Variants in SLC9C1 observed in about 807,000 individuals in gnomAD.
SLC9C1 encodes sodium/hydrogen exchanger 10.
In SLC9C1, 97 loss-of-function variants were observed where a neutral mutation model predicts 140.9. The ratio of observed to expected loss-of-function variants is 0.69; its 90% confidence interval spans 0.58 to 0.82. SLC9C1 has a LOEUF of 0.82. Among genes scored for constraint, SLC9C1 ranks in the 40% least tolerant of loss-of-function variants. The probability of loss-of-function intolerance (pLI) is 0.00; values close to 1 mark genes in which losing one functional copy is unlikely to be tolerated. For missense variants in SLC9C1, 1,340 were observed against 1,389.3 expected, an observed-to-expected ratio of 0.96 and a Z score of 0.56; for synonymous variants, 440 against 442.6, an observed-to-expected ratio of 0.99 and a Z score of 0.07.
Position 112,169,308 on chromosome 3 carries a change from A to G in SLC9C1, c.2940T>C (p.Thr980=), listed in dbSNP as rs2077200594. ...TVVETCFIPK[T]HLYDAFEQCS... ...ATTGCTCAAAAGCATCATACAAGTG[A>G]GTTTTGGGAATAAAACATGTCTGGA... is the stretch of plus-strand genomic sequence containing the variant. The change falls in exon 24 of 29, where the codon ACT becomes ACC. Residue 980 remains threonine (T), a synonymous_variant. Coordinates refer to ENST00000305815, the MANE Select transcript of SLC9C1 (RefSeq NM_183061.3). 6.2e-7 allele frequency: 1 copy of G among 1,609,776 alleles called. No individual in the cohort carries two copies. The highest frequency in any genetic ancestry group is 8.5e-7 in the Non-Finnish European group (1 of 1,178,540).
At chr3:112,229,199 A>G (rs376761776) in intron 13 of SLC9C1, among the ~76,000 whole-genome samples, 1 of 152,236 alleles carries the variant, frequency 6.6e-6, no homozygotes, top group African/African-American at 2.4e-5. Flanking sequence ...GCTAGCAGGA[A>G]TAGGTTGGTT....
chr3:112,267,738 G>GTT (rs1158222261), intron 7 of SLC9C1, among the ~76,000 whole-genome samples: 1 of 152,040 alleles, frequency 6.6e-6, no homozygotes, highest in Non-Finnish European at 1.5e-5. Context: ...AAAATTACAA[G>GTT]TTGTCTATTT....
rs937934770 is a variant in SLC9C1, at chr3:112,275,079, T to G, written c.485-54A>C. 1.6e-5 allele frequency: 24 copies of G among 1,491,940 alleles called. 1 individual carries two copies. Among genetic ancestry groups the G allele is most frequent in the Non-Finnish European group, 2.0e-5 (23 of 1,124,060 alleles). 92.4% of individuals were successfully genotyped at this position (1,491,940 alleles called of 1,614,324 possible). On this transcript the variant is annotated intron_variant, in intron 5 of 28. Transcript: ENST00000305815. ...TTTAAAGTGAGAAAAACATTAAAAA[T>G]TAAATGTTAAAGAATACAATTTTCT...
chr3:112,147,638 G>A, intron 28 of SLC9C1: 1 of 249,298 alleles, frequency 4.0e-6, no homozygotes, highest in Non-Finnish European at 8.2e-6. Context: ...TAAGGTTTCT[G>A]GTGAGAAATC....
At chr3:112,145,146 G>A (rs1237900236) in intron 28 of SLC9C1, among the ~76,000 whole-genome samples, 2 of 152,122 alleles carry the variant, frequency 1.3e-5, no homozygotes, top group Non-Finnish European at 1.5e-5. Context: ...TGCCTAGTCT[G>A]TTGAGGCTTT....
chr3:112,221,861 G>T (rs1253417228), intron 13 of SLC9C1, among the ~76,000 whole-genome samples: 1 of 152,112 alleles, frequency 6.6e-6, no homozygotes, highest in Non-Finnish European at 1.5e-5. Context: ...CACTGTTCCT[G>T]GCATCCATAT....
chr3:112,146,482 C>T (rs1050353471), intron 28 of SLC9C1, among the ~76,000 whole-genome samples: 1 of 152,232 alleles, frequency 6.6e-6, no homozygotes, highest in East Asian at 1.9e-4. Flanking sequence ...ACTGGTTTTG[C>T]TGTATCCCAG....
intron 12 of SLC9C1, among the ~76,000 whole-genome samples, chr3:112,239,489 T>G (rs2079082885): frequency 6.6e-6 from 1 of 152,180 alleles, no homozygotes. Flanking sequence ...CAAGCCCCAG[T>G]GAGATGAACC....
At position 112,278,741 on chromosome 3, in the gene SLC9C1, C is replaced by A; in HGVS notation, c.306G>T (p.Lys102Asn). The change falls in exon 4 of 29, where the codon AAG (lysine) becomes AAT (asparagine). Residue 102 changes from lysine to asparagine, a missense_variant. Coordinates refer to ENST00000305815, the MANE Select transcript of SLC9C1 (RefSeq NM_183061.3). ...AFDMDTYMLQ[K>N]LFWQILLISI... ...AAAGAATGCTTACCTGCCAAAATAACTTTTGAAGCATGTACGTATCCATGT... is the reference window on the plus strand; with the variant it reads ...AAAGAATGCTTACCTGCCAAAATAAATTTTGAAGCATGTACGTATCCATGT... 6.3e-7 allele frequency: 1 copy of A among 1,599,940 alleles called. No homozygotes were observed. Among genetic ancestry groups the A allele is most frequent in the South Asian group, 1.1e-5 (1 of 88,194 alleles).
intron 8 of SLC9C1, among the ~76,000 whole-genome samples, chr3:112,265,912 A>C (rs1385277166): frequency 1.3e-5 from 2 of 152,132 alleles, no homozygotes; most frequent in East Asian, 1.9e-4. Context: ...TTAAAATATT[A>C]CTTCTCAATT....
chr3:112,150,960 CCT>C lies in SLC9C1; in HGVS notation c.3524+895_3524+896del, dbSNP rs2074961598. ...TCAAGCGATTCTCCTGCCTCAGCCCCCTGAGTAGCTGGGATTACAGGCATCTG... is the reference window on the plus strand; with the variant it reads ...TCAAGCGATTCTCCTGCCTCAGCCCCGAGTAGCTGGGATTACAGGCATCTG... On this transcript the variant is annotated intron_variant, in intron 28 of 28. Transcript: ENST00000305815. 3.3e-5 allele frequency among the ~76,000 whole-genome samples: 5 copies of C among 151,124 alleles called. No homozygotes were observed. In the South Asian group the frequency reaches 6.3e-4, roughly 19 times the overall value.
At chr3:112,163,250 G>GT (rs1490774242) in intron 26 of SLC9C1, among the ~76,000 whole-genome samples, 4 of 146,876 alleles carry the variant, frequency 2.7e-5, no homozygotes, top group Admixed American at 2.0e-4. Flanking sequence ...TTTTTGAAGG[G>GT]TTTTTTGTGT....
chr3:112,242,004 A>T (rs959575182), intron 11 of SLC9C1, among the ~76,000 whole-genome samples: 11 of 152,172 alleles, frequency 7.2e-5, no homozygotes, highest in Non-Finnish European at 1.3e-4. Flanking sequence ...CCTAGAAGAA[A>T]ACCCAGGAAA....
In SLC9C1 at chr3:112,187,408, C is replaced by A. The variant is rs78872287; in HGVS notation, c.2524-5150G>T. Among the ~76,000 whole-genome samples the A allele has an allele frequency of 2.6e-4, 39 of 152,260 alleles. 1 individual carries two copies. The East Asian group carries it at 7.3e-3, about 29-fold the overall frequency. On this transcript the variant is annotated intron_variant, in intron 20 of 28. Coordinates refer to ENST00000305815, the MANE Select transcript of SLC9C1 (RefSeq NM_183061.3). ...CACCATGGTCAAATGAAATTACAGA[C>A]TGGACCATTAAACTGTATAATCAGC...
intron 16 of SLC9C1, among the ~76,000 whole-genome samples, chr3:112,207,628 CTA>C (rs2078091000): frequency 6.6e-6 from 1 of 152,108 alleles, no homozygotes; most frequent in South Asian, 2.1e-4. Flanking sequence ...GGTGTTGTTT[CTA>C]TGTTTTCCCT....
Position 112,146,976 on chromosome 3 carries a change from C to T in SLC9C1, c.3524+4881G>A, listed in dbSNP as rs541732272. Among the ~76,000 whole-genome samples, 250 of 152,328 alleles carry T rather than the reference C, an allele frequency of 1.6e-3. 1 individual carries two copies. The Middle Eastern group carries it at 0.054, about 33-fold the overall frequency. On this transcript the variant is annotated intron_variant, in intron 28 of 28. Coordinates refer to ENST00000305815, the MANE Select transcript of SLC9C1 (RefSeq NM_183061.3). ...AGTATGTGTTTTATGAACCTAGGTG[C>T]TCCAATATTGGGTGCATATAAATTT...
chr3:112,250,280 T>A (rs528062674), intron 10 of SLC9C1, among the ~76,000 whole-genome samples: 2 of 152,040 alleles, frequency 1.3e-5, no homozygotes, highest in African/African-American at 4.8e-5. Flanking sequence ...CCATGGTGTA[T>A]ATGTGCCACA....
intron 15 of SLC9C1, among the ~76,000 whole-genome samples, chr3:112,213,799 C>T (rs546009641): frequency 3.9e-5 from 6 of 152,240 alleles, no homozygotes; most frequent in Admixed American, 2.0e-4. Flanking sequence ...GACAGAACAA[C>T]GAGACAGAAA....
In SLC9C1 at chr3:112,294,116, T is replaced by A. The variant is rs979968910; in HGVS notation, c.-111A>T. On this transcript the variant is annotated 5_prime_UTR_variant, in exon 1 of 29. Transcript: ENST00000305815. ...ACCATCCGGAGCCTCAGGAGGAGTA[T>A]CCCGTGGTGTGCAAGTGAGAAGTGG... is the stretch of plus-strand genomic sequence containing the variant. The A allele has an allele frequency of 1.3e-4, 20 of 152,258 alleles. No homozygotes were observed. The highest frequency in any genetic ancestry group is 1.0e-3 in the Admixed American group (16 of 15,286). 9.4% of individuals were successfully genotyped at this position (152,258 alleles called of 1,614,324 possible).
Sources: allele counts gnomAD v4.1 joint callset (sites outside exome capture counted in the v4.1 genomes callset), GRCh38; gene constraint gnomAD v4.1.1; transcripts MANE v1.5; gene names NCBI Gene and HGNC (gene_info 2026-07-23, HGNC 2026-07-21).